The following PARD3B variants were observed in gnomAD, a reference collection of about 807,000 sequenced individuals.
PARD3B encodes the protein par-3 family cell polarity regulator beta.
PARD3B carries 103 observed loss-of-function variants against 130.2 expected under a neutral mutation model. The observed-to-expected ratio is 0.79, with a 90% CI of 0.67 to 0.93. PARD3B has a LOEUF of 0.93. PARD3B is among the 40% of genes least tolerant of loss of function. PARD3B has a pLI of 0.00. For synonymous variants in PARD3B, 583 were observed against 553.2 expected, an observed-to-expected ratio of 1.05 and a Z score of -0.76; for missense variants, 1,609 against 1,499.2, an observed-to-expected ratio of 1.07 and a Z score of -1.21.
chr2:205,412,835 C>T (rs1298315247), intron 19 of PARD3B, among the ~76,000 whole-genome samples: 1 of 152,120 alleles, frequency 6.6e-6, no homozygotes, highest in Non-Finnish European at 1.5e-5. Flanking sequence ...TCTCAAACTA[C>T]CTAAGTTGGA....
intron 4 of PARD3B, among the ~76,000 whole-genome samples, chr2:205,054,437 T>TATA (rs1491373014): frequency 6.4e-3 from 175 of 27,330 alleles, no homozygotes; most frequent in East Asian, 0.011. Context: ...TATATATATA[T>TATA]TTTTTTTTTT....
intron 2 of PARD3B, among the ~76,000 whole-genome samples, chr2:204,798,744 C>T (rs796786985): frequency 7.2e-5 from 11 of 152,136 alleles, no homozygotes; most frequent in Non-Finnish European, 1.3e-4. Context: ...CCTCCATTCC[C>T]GGCCCTAGTT....
chr2:205,189,267 T>TG (rs1271797778), intron 14 of PARD3B, among the ~76,000 whole-genome samples: 3 of 152,184 alleles, frequency 2.0e-5, no homozygotes, highest in African/African-American at 7.2e-5. Flanking sequence ...GTTTTTGTCT[T>TG]GCCTCTCAAA....
chr2:204,941,999 T>C (rs1001768158), intron 2 of PARD3B, among the ~76,000 whole-genome samples: 1 of 152,194 alleles, frequency 6.6e-6, no homozygotes. Context: ...TCCAGAAATA[T>C]TCACTTGTTT....
At position 204,887,550 on chromosome 2, in the gene PARD3B, T is replaced by A. The variant is rs961563594; in HGVS notation, c.223-77602T>A. Among the ~76,000 whole-genome samples the A allele has an allele frequency of 6.6e-6, 1 of 152,134 alleles. No homozygotes were observed. The highest frequency in any genetic ancestry group is 1.5e-5 in the Non-Finnish European group (1 of 68,028). On this transcript the variant is annotated intron_variant, in intron 2 of 22. Coordinates refer to ENST00000406610, the MANE Select transcript of PARD3B (RefSeq NM_001302769.2). This position sits in a 1 kb window ranked among gnomAD's most constrained non-coding sequence, Gnocchi z 4.2. ...AACATGAAGAGGTGTTTTTATTTTT[T>A]AAAAAGAACGAAGAGATGGCAAACT...
At chr2:205,492,612 G>A (rs967183402) in intron 20 of PARD3B, among the ~76,000 whole-genome samples, 10 of 152,054 alleles carry the variant, frequency 6.6e-5, no homozygotes, top group East Asian at 1.9e-4. Context: ...AAATTTCACC[G>A]GGCTAAACAG....
intron 18 of PARD3B, among the ~76,000 whole-genome samples, chr2:205,335,743 A>G (rs1294071708): frequency 6.6e-6 from 1 of 152,126 alleles, no homozygotes; most frequent in African/African-American, 2.4e-5. Flanking sequence ...TCTTACATGG[A>G]TGACAGGAGG....
chr2:204,986,006 C>CAGGAGAAT lies in PARD3B; in HGVS notation c.394+20684_394+20691dup, dbSNP rs1693107238. 3.6e-5 allele frequency among the ~76,000 whole-genome samples: 5 copies of CAGGAGAAT among 140,768 alleles called. No homozygotes were observed. The South Asian group carries it at 1.1e-3, about 31-fold the overall frequency. The allele number at this position is 140,768 out of a possible 152,430, so 92.3% of individuals were successfully genotyped here. The stretch of plus-strand genomic sequence containing the variant: ...GCCCCAGCTACTCAGGAGGCTGAGG[C>CAGGAGAAT]AGGAGAATTGCTTGAATCCGGGAGG... On this transcript the variant is annotated intron_variant, in intron 3 of 22. Coordinates refer to ENST00000406610, the MANE Select transcript of PARD3B (RefSeq NM_001302769.2).
rs1448391236 is a variant in PARD3B, at chr2:205,241,602, A to G, written c.2141-4176A>G. ...TACTTTTTTAAAAAAGAAAGAAGAA[A>G]GAAAAGGAGAAAAAATTCTGTCATC... is the stretch of plus-strand genomic sequence containing the variant. On this transcript the variant is annotated intron_variant, in intron 15 of 22. Coordinates refer to ENST00000406610, the MANE Select transcript of PARD3B (RefSeq NM_001302769.2). This position sits in a 1 kb window ranked among gnomAD's most constrained non-coding sequence, Gnocchi z 4.2. Among the ~76,000 whole-genome samples the G allele has an allele frequency of 6.6e-6, 1 of 152,194 alleles. No homozygotes were observed. Among genetic ancestry groups the G allele is most frequent in the Non-Finnish European group, 1.5e-5 (1 of 68,002 alleles).
rs1019349464 is a variant in PARD3B, at chr2:205,084,448, T to C, written c.505-19978T>C. 4.2e-4 allele frequency among the ~76,000 whole-genome samples: 64 copies of C among 152,158 alleles called. 1 individual carries two copies. The highest frequency in any genetic ancestry group is 1.5e-3 in the African/African-American group (61 of 41,576). On this transcript the variant is annotated intron_variant, in intron 4 of 22. Transcript: ENST00000406610. Reference sequence around the variant, plus strand: ...ATCCCTTTGTAAGGAACATGTCTTATTGCTGCACAGGGTTCAGATGATAGC... The same window carrying C: ...ATCCCTTTGTAAGGAACATGTCTTACTGCTGCACAGGGTTCAGATGATAGC...
At chr2:204,957,266 G>A (rs1431223918) in intron 2 of PARD3B, among the ~76,000 whole-genome samples, 1 of 152,040 alleles carries the variant, frequency 6.6e-6, no homozygotes, top group Non-Finnish European at 1.5e-5. Context: ...AGAAATAAAT[G>A]TATATTTGGC....
chr2:205,537,564 A>G (rs577443470), intron 21 of PARD3B, among the ~76,000 whole-genome samples: 1 of 152,276 alleles, frequency 6.6e-6, no homozygotes, highest in East Asian at 1.9e-4. Flanking sequence ...GCCTTCCACC[A>G]GTCGGCAGGG....
At chr2:205,324,088 C>G (rs1364498522) in intron 18 of PARD3B, among the ~76,000 whole-genome samples, 1 of 152,058 alleles carries the variant, frequency 6.6e-6, no homozygotes, top group African/African-American at 2.4e-5. Flanking sequence ...TATTACACAC[C>G]TTCTTTTGTC....
In PARD3B at chr2:205,618,390, C is replaced by T. The variant is rs981490130; in HGVS notation, c.*2577C>T. The T allele has an allele frequency of 2.6e-5, 4 of 152,202 alleles. No individual in the cohort carries two copies. The highest frequency in any genetic ancestry group is 9.7e-5 in the African/African-American group (4 of 41,444). 9.4% of individuals were successfully genotyped at this position (152,202 alleles called of 1,614,324 possible). ...CCACCCAGAGGTTACAGGACTCTTT[C>T]CCAGCATTTAGGGGAACAGGCTTTT... is the stretch of plus-strand genomic sequence containing the variant. On this transcript the variant is annotated 3_prime_UTR_variant, in exon 23 of 23. Transcript: ENST00000406610.
rs551455666 is a variant in PARD3B, at chr2:205,550,785, C to T, written c.3181-2539C>T. On this transcript the variant is annotated intron_variant, in intron 21 of 22. Transcript: ENST00000406610. This position sits in a 1 kb window ranked among gnomAD's most constrained non-coding sequence, Gnocchi z 4.5. ...ATAAATACATATATGTATATACATGCAAATATACAAATATATGCATATTTA... is the reference window on the plus strand; with the variant it reads ...ATAAATACATATATGTATATACATGTAAATATACAAATATATGCATATTTA... Among the ~76,000 whole-genome samples, 37 of 148,858 alleles carry T rather than the reference C, an allele frequency of 2.5e-4. 1 individual carries two copies. In the East Asian group the frequency reaches 4.3e-3, roughly 17 times the overall value.
At chr2:204,797,600 A>G (rs767597480) in intron 2 of PARD3B, among the ~76,000 whole-genome samples, 2 of 152,232 alleles carry the variant, frequency 1.3e-5, no homozygotes, top group African/African-American at 2.4e-5. Context: ...TTGTTTGGGC[A>G]ATGATATTAA....
At chr2:205,377,052 T>C (rs542542016) in intron 18 of PARD3B, among the ~76,000 whole-genome samples, 3 of 152,328 alleles carry the variant, frequency 2.0e-5, no homozygotes, top group African/African-American at 4.8e-5. Flanking sequence ...GGAACTGTTC[T>C]ACACACTTTA....
chr2:204,552,862 C>A (rs905208151), intron 1 of PARD3B, among the ~76,000 whole-genome samples: 1 of 152,068 alleles, frequency 6.6e-6, no homozygotes, highest in Non-Finnish European at 1.5e-5. Flanking sequence ...GGTCTATGGG[C>A]CTATTTTTAT....
chr2:204,595,044 A>C (rs2033227434), intron 1 of PARD3B, among the ~76,000 whole-genome samples: 1 of 152,198 alleles, frequency 6.6e-6, no homozygotes, highest in Admixed American at 6.5e-5. Flanking sequence ...CTGAGTTGTT[A>C]GCAAGTGTGA....
Sources: gnomAD v4.1 joint callset for allele counts (sites outside exome capture counted in the v4.1 genomes callset) on GRCh38, gnomAD v4.1.1 for gene constraint, Gnocchi (gnomAD v3.1) non-coding constraint, MANE v1.5 for transcripts, NCBI Gene and HGNC (gene_info 2026-07-23, HGNC 2026-07-21) for gene names.